CTNNA2: variants seen among roughly 807,000 people sequenced by gnomAD.
CTNNA2 encodes catenin alpha-2.
A neutral mutation model predicts 101.0 loss-of-function variants in CTNNA2; 42 were observed. The observed-to-expected ratio is 0.42, with a 90% CI of 0.32 to 0.54. The LOEUF (loss-of-function observed/expected upper bound fraction) is 0.54, where lower values mean the gene tolerates loss of function less well. Among genes scored for constraint, CTNNA2 ranks in the 20% least tolerant of loss-of-function variants. The probability of loss-of-function intolerance (pLI) is 0.14; values close to 1 mark genes in which losing one functional copy is unlikely to be tolerated. For missense variants in CTNNA2, 871 were observed against 1,223.1 expected (o/e 0.71, Z 4.29); for synonymous variants, 450 against 456.4 (o/e 0.99, Z 0.18).
chr2:80,560,833 T>G (rs1216958029), intron 12 of CTNNA2, among the ~76,000 whole-genome samples: 2 of 152,200 alleles, frequency 1.3e-5, no homozygotes, highest in Non-Finnish European at 2.9e-5. Flanking sequence ...TGTCTGTTTT[T>G]AGAGGCAAGT....
intron 7 of CTNNA2, among the ~76,000 whole-genome samples, chr2:80,112,869 G>T (rs995563715): frequency 6.6e-6 from 1 of 152,116 alleles, no homozygotes; most frequent in Non-Finnish European, 1.5e-5. Context: ...AATTATATTT[G>T]GATCACCTGT....
rs151181851 is a variant in CTNNA2 at position 80,032,524 on chromosome 2, A to AAC, written c.1056+122740_1056+122741dup. Reference sequence around the variant, plus strand: ...AAAATTAAATAATTATTCTTGATTAAACACACACACACACTCAAAATAAGT... The same window carrying AAC: ...AAAATTAAATAATTATTCTTGATTAAACACACACACACACACTCAAAATAAGT... On this transcript the variant is annotated intron_variant, in intron 7 of 18. Coordinates refer to ENST00000402739, the MANE Select transcript of CTNNA2 (RefSeq NM_001282597.3). Among the ~76,000 whole-genome samples, 47 of 152,096 alleles carry AAC rather than the reference A, an allele frequency of 3.1e-4. 1 individual carries two copies. The East Asian group carries it at 5.6e-3, about 18-fold the overall frequency.
At chr2:80,136,744 T>C (rs1305983629) in intron 7 of CTNNA2, among the ~76,000 whole-genome samples, 1 of 152,138 alleles carries the variant, frequency 6.6e-6, no homozygotes. Context: ...TTTCGCTGAG[T>C]CTGTTGATTA....
intron 1 of CTNNA2, among the ~76,000 whole-genome samples, chr2:79,613,868 T>A (rs1435950737): frequency 1.3e-5 from 2 of 152,152 alleles, no homozygotes; most frequent in Non-Finnish European, 2.9e-5. Context: ...TAAATTAGTC[T>A]CCACACCAAT....
chr2:80,648,571 C>A lies in CTNNA2; in HGVS notation c.*699C>A, dbSNP rs780624055. On this transcript the variant is annotated 3_prime_UTR_variant, in exon 19 of 19. Transcript: ENST00000402739. ...TTCTGGGGGCACTGGAAGCACAATACGGTGACCAATCTTGCTTTCATTTTT... is the reference window on the plus strand; with the variant it reads ...TTCTGGGGGCACTGGAAGCACAATAAGGTGACCAATCTTGCTTTCATTTTT... 4 of 151,600 alleles carry A rather than the reference C, an allele frequency of 2.6e-5. No individual in the cohort carries two copies. The highest frequency in any genetic ancestry group is 5.9e-5 in the Non-Finnish European group (4 of 67,812). 9.4% of individuals were successfully genotyped at this position (151,600 alleles called of 1,614,324 possible).
intron 3 of CTNNA2, among the ~76,000 whole-genome samples, chr2:79,837,568 G>C (rs2103821535): frequency 6.6e-6 from 1 of 152,126 alleles, no homozygotes; most frequent in African/African-American, 2.4e-5. Context: ...TCTCAAATGA[G>C]CATGGCAGAG....
At chr2:79,590,761 T>C (rs1217690896) in intron 1 of CTNNA2, among the ~76,000 whole-genome samples, 3 of 152,206 alleles carry the variant, frequency 2.0e-5, no homozygotes, top group South Asian at 4.1e-4. Flanking sequence ...TGTCTTGCAA[T>C]ACCAGTAGTT....
At chr2:80,106,707 T>C (rs1700910346) in intron 7 of CTNNA2, among the ~76,000 whole-genome samples, 1 of 152,112 alleles carries the variant, frequency 6.6e-6, no homozygotes, top group African/African-American at 2.4e-5. Context: ...TCTTAGGAAA[T>C]TCTGGAGCCT....
intron 12 of CTNNA2, among the ~76,000 whole-genome samples, chr2:80,560,759 A>G (rs1412666267): frequency 6.6e-6 from 1 of 152,158 alleles, no homozygotes; most frequent in African/African-American, 2.4e-5. Context: ...ACAGAAAACT[A>G]TTAGTCTTTT....
At chr2:80,238,807 C>T (rs550080593) in intron 7 of CTNNA2, among the ~76,000 whole-genome samples, 4 of 152,050 alleles carry the variant, frequency 2.6e-5, no homozygotes, top group Non-Finnish European at 5.9e-5. Flanking sequence ...GTAGAAACAT[C>T]CGGAATTGTC....
chr2:79,613,711 G>A (rs116508093), intron 1 of CTNNA2, among the ~76,000 whole-genome samples: 52 of 152,222 alleles, frequency 3.4e-4, no homozygotes, highest in African/African-American at 1.0e-3. Context: ...TTTAGAGACA[G>A]GGTCTTGTTG....
chr2:80,310,390 G>A (rs1305965850), intron 7 of CTNNA2, among the ~76,000 whole-genome samples: 2 of 152,180 alleles, frequency 1.3e-5, no homozygotes, highest in African/African-American at 4.8e-5. Context: ...GTATCTTTCA[G>A]CTGGTTTATT....
At chr2:79,547,685 G>T (rs1187690904) in intron 1 of CTNNA2, 1 of 152,184 alleles carries the variant, frequency 6.6e-6, no homozygotes, top group African/African-American at 2.4e-5. Context: ...TGAGGTGAGT[G>T]TTCTGTCTGA....
rs540165314 is a variant in CTNNA2 at position 80,218,732 on chromosome 2, A to C, written c.1057-174479A>C. ...AGTGCCTGCTACTTAGTAAGGACTC[A>C]ATAAATATAGCTATTAGTATTCATG... On this transcript the variant is annotated intron_variant, in intron 7 of 18. Coordinates refer to ENST00000402739, the MANE Select transcript of CTNNA2 (RefSeq NM_001282597.3). Among the ~76,000 whole-genome samples the C allele has an allele frequency of 1.6e-4, 24 of 152,336 alleles. No individual in the cohort carries two copies. In the East Asian group the frequency reaches 3.9e-3, roughly 24 times the overall value.
chr2:79,356,239 ATTTG>A (rs1677506569), intron 3 of CTNNA2, among the ~76,000 whole-genome samples: 1 of 151,826 alleles, frequency 6.6e-6, no homozygotes, highest in Non-Finnish European at 1.5e-5. Flanking sequence ...CTTATTGGTC[ATTTG>A]TTTATTTTCT....
chr2:80,346,126 G>T (rs918337620), intron 7 of CTNNA2, among the ~76,000 whole-genome samples: 5 of 152,046 alleles, frequency 3.3e-5, no homozygotes, highest in Admixed American at 1.3e-4. Flanking sequence ...ACTTAATTTC[G>T]CTAGCATAAT....
intron 4 of CTNNA2, among the ~76,000 whole-genome samples, chr2:79,403,196 A>C (rs1331774289): frequency 6.6e-6 from 1 of 151,906 alleles, no homozygotes; most frequent in African/African-American, 2.4e-5. Flanking sequence ...AAAACCTAAC[A>C]AACTAGACAA....
chr2:79,770,531 A>G (rs1673498636), intron 3 of CTNNA2, among the ~76,000 whole-genome samples: 1 of 152,220 alleles, frequency 6.6e-6, no homozygotes, highest in African/African-American at 2.4e-5. Flanking sequence ...GCATACCACA[A>G]AAATACTGTC....
chr2:80,595,377 C>T (rs1573397880), intron 15 of CTNNA2, among the ~76,000 whole-genome samples: 4 of 152,002 alleles, frequency 2.6e-5, no homozygotes, highest in Admixed American at 6.6e-5. Flanking sequence ...TTTAAAGAAT[C>T]TTAAGCATTT....
Sources: gnomAD v4.1 joint callset for allele counts (sites outside exome capture counted in the v4.1 genomes callset) on GRCh38, gnomAD v4.1.1 for gene constraint, MANE v1.5 for transcripts, NCBI Gene and HGNC (gene_info 2026-07-23, HGNC 2026-07-21) for gene names.